The following KCNIP1 variants were observed in gnomAD, a reference collection of about 807,000 sequenced individuals.
KCNIP1 encodes the protein A-type potassium channel modulatory protein KCNIP1.
KCNIP1 carries 18 observed loss-of-function variants against 33.0 expected under a neutral mutation model. The observed-to-expected ratio is 0.55, with a 90% CI of 0.38 to 0.81. KCNIP1 has a LOEUF of 0.81. Among genes scored for constraint, KCNIP1 ranks in the 30% least tolerant of loss-of-function variants. The probability of loss-of-function intolerance (pLI) is 0.00; values close to 1 mark genes in which losing one functional copy is unlikely to be tolerated. For synonymous variants in KCNIP1, 93 were observed against 98.3 expected, an observed-to-expected ratio of 0.95 and a Z score of 0.32; for missense variants, 238 against 271.6, an observed-to-expected ratio of 0.88 and a Z score of 0.87.
At chr5:170,477,248 A>G (rs926510288) in intron 1 of KCNIP1, among the ~76,000 whole-genome samples, 1 of 151,662 alleles carries the variant, frequency 6.6e-6, no homozygotes, top group African/African-American at 2.4e-5. Context: ...TATATATATC[A>G]GAAAGTATAT....
At chr5:170,732,758 C>T (rs1230695104) in intron 5 of KCNIP1, 42 bp from the exon 6 acceptor site, 28 of 1,348,858 alleles carry the variant, frequency 2.1e-5, no homozygotes, top group Non-Finnish European at 2.9e-5. Context: ...AGAGCTTGAC[C>T]TCATGGTTTC....
chr5:170,402,996 G>A (rs369008427), intron 1 of KCNIP1, among the ~76,000 whole-genome samples: 13 of 152,150 alleles, frequency 8.5e-5, no homozygotes, highest in African/African-American at 2.9e-4. Context: ...GTTCACGTAC[G>A]CCTGTTCCAT....
At chr5:170,378,699 T>A (rs1412380773) in intron 1 of KCNIP1, 1 of 1,604,138 alleles carries the variant, frequency 6.2e-7, no homozygotes, top group Admixed American at 1.7e-5. Context: ...CATGGATGGA[T>A]GGCTCTACTT....
chr5:170,695,758 C>A (rs1381141771), intron 1 of KCNIP1, among the ~76,000 whole-genome samples: 1 of 152,204 alleles, frequency 6.6e-6, no homozygotes, highest in Non-Finnish European at 1.5e-5. Flanking sequence ...CGGTAGCTCA[C>A]GCCTGTAATC....
intron 1 of KCNIP1, among the ~76,000 whole-genome samples, chr5:170,573,284 C>T (rs1004380379): frequency 2.6e-5 from 4 of 152,142 alleles, no homozygotes; most frequent in South Asian, 4.1e-4. Flanking sequence ...GATGCTCTGG[C>T]GGTCTGGGGA....
At chr5:170,480,951 CA>C (rs1368175876) in intron 1 of KCNIP1, among the ~76,000 whole-genome samples, 4 of 152,264 alleles carry the variant, frequency 2.6e-5, no homozygotes, top group African/African-American at 9.6e-5. Context: ...AATAACCCAA[CA>C]TATATTTAAT....
intron 1 of KCNIP1, among the ~76,000 whole-genome samples, chr5:170,658,236 T>C (rs1031002744): frequency 6.6e-6 from 1 of 152,152 alleles, no homozygotes; most frequent in East Asian, 1.9e-4. Context: ...TTTCTTATGG[T>C]TATGGAGGCT....
At chr5:170,511,213 A>C (rs1754920824) in intron 1 of KCNIP1, among the ~76,000 whole-genome samples, 1 of 152,238 alleles carries the variant, frequency 6.6e-6, no homozygotes, top group Non-Finnish European at 1.5e-5. Flanking sequence ...CGTCTCAAAA[A>C]AAATAAAAAT....
At chr5:170,537,338 G>C (rs1311425547) in intron 1 of KCNIP1, among the ~76,000 whole-genome samples, 1 of 152,190 alleles carries the variant, frequency 6.6e-6, no homozygotes, top group Non-Finnish European at 1.5e-5. Context: ...TTCAACTCAG[G>C]GTATGAATGA....
intron 1 of KCNIP1, among the ~76,000 whole-genome samples, chr5:170,390,538 A>ATTTTTT (rs1308591694): frequency 5.1e-4 from 67 of 131,260 alleles, no homozygotes; most frequent in African/African-American, 2.0e-3. Flanking sequence ...ATATATATAT[A>ATTTTTT]TTTTCAACAA....
chr5:170,688,851 A>T (rs550544354), intron 1 of KCNIP1, among the ~76,000 whole-genome samples: 1 of 152,148 alleles, frequency 6.6e-6, no homozygotes, highest in Non-Finnish European at 1.5e-5. Flanking sequence ...GGCTGATCCT[A>T]TGGAAGCACA....
chr5:170,493,992 C>A (rs145200544), intron 1 of KCNIP1, among the ~76,000 whole-genome samples: 194 of 152,240 alleles, frequency 1.3e-3, no homozygotes, highest in African/African-American at 4.5e-3. Flanking sequence ...TGGCTGCTGG[C>A]TAAATTGTTG....
chr5:170,712,525 C>T (rs111589333), intron 1 of KCNIP1, among the ~76,000 whole-genome samples: 3 of 152,220 alleles, frequency 2.0e-5, no homozygotes, highest in Admixed American at 1.3e-4. Context: ...GTCAAACATG[C>T]GAGTGTTTCC....
intron 1 of KCNIP1, chr5:170,377,505 C>A (rs1030420221): frequency 3.3e-5 from 5 of 152,030 alleles, no homozygotes; most frequent in Non-Finnish European, 5.9e-5. Flanking sequence ...GAGTCCATAC[C>A]CTCAATTTAA....
chr5:170,638,666 C>T (rs528582065), intron 1 of KCNIP1, among the ~76,000 whole-genome samples: 29 of 152,240 alleles, frequency 1.9e-4, no homozygotes, highest in Admixed American at 8.5e-4. Context: ...CCTCTCTACC[C>T]GGGCCAAGCG....
intron 1 of KCNIP1, among the ~76,000 whole-genome samples, chr5:170,616,059 TTAAA>T (rs1250615069): frequency 1.3e-5 from 2 of 152,174 alleles, no homozygotes; most frequent in African/African-American, 4.8e-5. Flanking sequence ...TGATAGGGCT[TTAAA>T]TATGGAGTAG....
intron 1 of KCNIP1, among the ~76,000 whole-genome samples, chr5:170,668,777 A>C (rs1301217619): frequency 6.6e-6 from 1 of 152,218 alleles, no homozygotes; most frequent in South Asian, 2.1e-4. Flanking sequence ...GTCAGTTATT[A>C]GCATGCTTCC....
At chr5:170,637,979 T>G (rs1381485996) in intron 1 of KCNIP1, among the ~76,000 whole-genome samples, 3 of 140,942 alleles carry the variant, frequency 2.1e-5, no homozygotes, top group African/African-American at 7.9e-5. Context: ...TTCTCCACCC[T>G]CCCAGTTCAG....
chr5:170,634,387 A>T (rs574175268), intron 1 of KCNIP1, among the ~76,000 whole-genome samples: 43 of 152,280 alleles, frequency 2.8e-4, no homozygotes, highest in African/African-American at 1.0e-3. Context: ...TAGGCCCAAA[A>T]TGATTCAATA....
Sources: allele counts gnomAD v4.1 joint callset (sites outside exome capture counted in the v4.1 genomes callset), GRCh38; gene constraint gnomAD v4.1.1; transcripts MANE v1.5; gene names NCBI Gene and HGNC (gene_info 2026-07-23, HGNC 2026-07-21).